Variants in TRPM7 observed in about 807,000 individuals in gnomAD.
The protein encoded by TRPM7 is LTRPC ion channel family member 7.
Under a neutral mutation model 229.7 loss-of-function variants are expected in TRPM7, and 134 were observed. The observed-to-expected ratio is 0.58, with a 90% CI of 0.51 to 0.67. TRPM7 has a LOEUF of 0.67. Among genes scored for constraint, TRPM7 ranks in the 30% least tolerant of loss-of-function variants. The probability of loss-of-function intolerance (pLI) is 0.00; values close to 1 mark genes in which losing one functional copy is unlikely to be tolerated. For synonymous variants in TRPM7, 699 were observed against 715.2 expected, an observed-to-expected ratio of 0.98 and a Z score of 0.36; for missense variants, 1,901 against 2,210.0, an observed-to-expected ratio of 0.86 and a Z score of 2.80.
intron 13 of TRPM7, 79 bp downstream of exon 13, chr15:50,619,666 T>C: frequency 8.4e-7 from 1 of 1,184,874 alleles, no homozygotes; most frequent in Non-Finnish European, 1.2e-6. Context: ...TGTATTTAAA[T>C]GATTTTTTTT....
chr15:50,641,574 G>C lies in TRPM7; in HGVS notation c.535+1766C>G, dbSNP rs1011853692. On this transcript the variant is annotated intron_variant, in intron 5 of 38. Coordinates refer to ENST00000646667, the MANE Select transcript of TRPM7 (RefSeq NM_017672.6). ...CATAACACTTATCAGCATCTAACACGTTATACATTACTGAGTTATCTGTTT... is the reference window on the plus strand; with the variant it reads ...CATAACACTTATCAGCATCTAACACCTTATACATTACTGAGTTATCTGTTT... 4.6e-5 allele frequency among the ~76,000 whole-genome samples: 7 copies of C among 152,134 alleles called. No individual in the cohort carries two copies. In the East Asian group the frequency reaches 1.3e-3, roughly 29 times the overall value.
chr15:50,663,486 G>A (rs1236488139), intron 1 of TRPM7, among the ~76,000 whole-genome samples: 3 of 152,110 alleles, frequency 2.0e-5, no homozygotes, highest in African/African-American at 7.2e-5. Flanking sequence ...CATAATCTGA[G>A]GATGGCACCC....
intron 24 of TRPM7, 68 bp from the exon 25 acceptor site, chr15:50,593,817 T>G: frequency 6.8e-7 from 1 of 1,461,096 alleles, no homozygotes; most frequent in Non-Finnish European, 9.3e-7. Flanking sequence ...CTCATAATTC[T>G]TACGAATTAT....
At chr15:50,608,357 CTTTTA>C (rs1326355931) in intron 19 of TRPM7, among the ~76,000 whole-genome samples, 1 of 41,812 alleles carries the variant, frequency 2.4e-5, no homozygotes, top group African/African-American at 1.0e-4. Context: ...TCTCATCTGT[CTTTTA>C]TTTATTTCTA....
In TRPM7 at chr15:50,570,175, A is replaced by G. The variant is rs1308010660; in HGVS notation, c.5309-20T>C. On this transcript the variant is annotated intron_variant, in intron 36 of 38. Transcript: ENST00000646667. Reference sequence around the variant, plus strand: ...CAACACCTTTATATGTGTATATAAAAAAGACAAATAATTTATATTATATAA... The same window carrying G: ...CAACACCTTTATATGTGTATATAAAGAAGACAAATAATTTATATTATATAA... 7.9e-6 allele frequency: 12 copies of G among 1,523,616 alleles called. No individual in the cohort carries two copies. Among genetic ancestry groups the G allele is most frequent in the Non-Finnish European group, 1.1e-5 (12 of 1,119,072 alleles). 94.4% of individuals were successfully genotyped at this position (1,523,616 alleles called of 1,614,324 possible). A position where few individuals can be genotyped will look rare whatever the true frequency, so the allele number is the denominator to read the frequency against.
chr15:50,609,079 A>T (rs2059994974), intron 19 of TRPM7, among the ~76,000 whole-genome samples: 1 of 152,362 alleles, frequency 6.6e-6, no homozygotes, highest in East Asian at 1.9e-4. Context: ...GAGAAAAGCC[A>T]ATTATATGGA....
chr15:50,631,404 C>T lies in TRPM7; in HGVS notation c.1204+13G>A. 6.3e-7 allele frequency: 1 copy of T among 1,582,174 alleles called. No individual in the cohort carries two copies. Among genetic ancestry groups the T allele is most frequent in the Non-Finnish European group, 8.6e-7 (1 of 1,156,440 alleles). ...AAAAGGTCTTACAAATAAAAAAGTTCTTAGAGGCTTACCTTTTAGCAGTGC... is the reference window on the plus strand; with the variant it reads ...AAAAGGTCTTACAAATAAAAAAGTTTTTAGAGGCTTACCTTTTAGCAGTGC... On this transcript the variant is annotated intron_variant, in intron 10 of 38. Transcript: ENST00000646667.
intron 11 of TRPM7, among the ~76,000 whole-genome samples, chr15:50,625,389 G>A (rs2060526310): frequency 6.6e-6 from 1 of 151,972 alleles, no homozygotes; most frequent in Admixed American, 6.6e-5. Flanking sequence ...ACATCACCTA[G>A]CAAGGATATA....
At chr15:50,657,270 G>C (rs1023196985) in intron 3 of TRPM7, among the ~76,000 whole-genome samples, 7 of 152,168 alleles carry the variant, frequency 4.6e-5, no homozygotes, top group African/African-American at 1.7e-4. Flanking sequence ...GTTGCAGTGA[G>C]CCGAGATTGT....
In TRPM7 at chr15:50,614,089, CATAT is replaced by C. The variant is rs763289097; in HGVS notation, c.1635+30_1635+33del. The C allele has an allele frequency of 4.6e-5, 71 of 1,549,302 alleles. No homozygotes were observed. The African/African-American group carries it at 8.8e-4, about 19-fold the overall frequency. On this transcript the variant is annotated intron_variant, in intron 14 of 38. Transcript: ENST00000646667. ...TAAAGTGCATGTGTTAATATTAAAG[CATAT>C]ATATAGATTTCCCCACAAATTTTAC... is the stretch of plus-strand genomic sequence containing the variant.
Position 50,586,448 on chromosome 15 carries a change from G to C in TRPM7, c.4430C>G (p.Ser1477Cys). Residue 1477 changes from serine (S) to cysteine (C), a missense_variant, in exon 28 of 39, where the codon TCT (serine) becomes TGT (cysteine). By Grantham distance (112) the Ser-to-Cys change is moderately radical. This residue lies in a region of TRPM7 where 533 missense variants were observed against 497.1 expected (regional missense o/e 1.07). Coordinates refer to ENST00000646667, the MANE Select transcript of TRPM7 (RefSeq NM_017672.6). ...TSENTLKRVS[S>C]LAGFTDCHRT... ...GTGACAGTCAGTAAATCCAGCAAGA[G>C]AACTCACTCGTTTCAAAGTGTTTTC... The C allele has an allele frequency of 6.2e-7, 1 of 1,613,166 alleles. No individual in the cohort carries two copies. The highest frequency in any genetic ancestry group is 8.5e-7 in the Non-Finnish European group (1 of 1,179,314).
intron 38 of TRPM7, among the ~76,000 whole-genome samples, chr15:50,568,996 T>TAAAC (rs774812707): frequency 2.4e-4 from 37 of 151,608 alleles, no homozygotes; most frequent in African/African-American, 8.3e-4. Context: ...AACAAACAAA[T>TAAAC]AAACAAACAA....
Position 50,635,664 on chromosome 15 carries a change from CAAAA to C in TRPM7, c.833-1112_833-1109del, listed in dbSNP as rs765054880. Among the ~76,000 whole-genome samples, 16 of 56,532 alleles carry C rather than the reference CAAAA, an allele frequency of 2.8e-4. 1 individual carries two copies. The highest frequency in any genetic ancestry group is 8.5e-4 in the African/African-American group (16 of 18,924). The allele number at this position is 56,532 out of a possible 152,430, so 37.1% of individuals were successfully genotyped here. ...AGCAACAGAGCAAGACTCCATCTCCCAAAAAAAAAAAAAAAAAAAAAAAAAAAGA... is the reference window on the plus strand; with the variant it reads ...AGCAACAGAGCAAGACTCCATCTCCCAAAAAAAAAAAAAAAAAAAAAAAGA... On this transcript the variant is annotated intron_variant, in intron 7 of 38. Transcript: ENST00000646667.
rs553558313 is a variant in TRPM7 at position 50,660,912 on chromosome 15, T to C, written c.83+2055A>G. Among the ~76,000 whole-genome samples the C allele has an allele frequency of 3.3e-5, 5 of 152,200 alleles. No homozygotes were observed. The South Asian group carries it at 8.3e-4, about 25-fold the overall frequency. ...TGGCTAAAAATCGAAAACAACTAAA[T>C]TGACCAATAGTAGAACAGGTATATA... On this transcript the variant is annotated intron_variant, in intron 2 of 38. Transcript: ENST00000646667.
intron 21 of TRPM7, 104 bp from the exon 22 acceptor site, chr15:50,599,400 C>T: frequency 5.5e-6 from 4 of 725,752 alleles, no homozygotes; most frequent in Non-Finnish European, 8.4e-6. Context: ...ATCCATTAAA[C>T]ACAAAAAATC....
chr15:50,618,059 T>A (rs1391939658), intron 13 of TRPM7, among the ~76,000 whole-genome samples: 2 of 152,110 alleles, frequency 1.3e-5, no homozygotes, highest in South Asian at 2.1e-4. Flanking sequence ...TAGAAGATAT[T>A]TTAACCAAAT....
Position 50,585,048 on chromosome 15 carries a change from G to GTTTT in TRPM7, c.4486+1343_4486+1344insAAAA, listed in dbSNP as rs1488163306. On this transcript the variant is annotated intron_variant, in intron 28 of 38. Coordinates refer to ENST00000646667, the MANE Select transcript of TRPM7 (RefSeq NM_017672.6). ...GCGCCACCACATCTAGCTAATTTTT[G>GTTTT]TATTTTTTTTTTTTTTTTTTTTTTG... 3.8e-3 allele frequency among the ~76,000 whole-genome samples: 327 copies of GTTTT among 85,724 alleles called. 8 individuals carry two copies. The highest frequency in any genetic ancestry group is 8.2e-3 in the African/African-American group (184 of 22,528). 56.2% of individuals were successfully genotyped at this position (85,724 alleles called of 152,430 possible).
At chr15:50,626,114 C>T (rs1451542664) in intron 11 of TRPM7, among the ~76,000 whole-genome samples, 1 of 152,152 alleles carries the variant, frequency 6.6e-6, no homozygotes, top group East Asian at 1.9e-4. Flanking sequence ...TGTATAACTG[C>T]AGCATTTACA....
At chr15:50,598,781 T>G (rs2059698118) in intron 22 of TRPM7, among the ~76,000 whole-genome samples, 1 of 152,162 alleles carries the variant, frequency 6.6e-6, no homozygotes, top group African/African-American at 2.4e-5. Flanking sequence ...ACTTATAGAG[T>G]TGGCAGCCGG....
Sources: allele counts gnomAD v4.1 joint callset (sites outside exome capture counted in the v4.1 genomes callset), GRCh38; gene constraint gnomAD v4.1.1; regional missense constraint gnomAD v4.1.1; transcripts MANE v1.5; gene names NCBI Gene and HGNC (gene_info 2026-07-23, HGNC 2026-07-21).